The following TBC1D32 variants were observed in gnomAD, a reference collection of about 807,000 sequenced individuals.
TBC1D32 encodes protein broad-minded.
A neutral mutation model predicts 170.3 loss-of-function variants in TBC1D32; 151 were observed. The observed-to-expected ratio is 0.89, with a 90% CI of 0.78 to 1.01. The LOEUF (loss-of-function observed/expected upper bound fraction) is 1.01, where lower values mean the gene tolerates loss of function less well. Ranked by LOEUF, TBC1D32 falls within the 50% of genes least tolerant of loss-of-function variation. The probability of loss-of-function intolerance (pLI) is 0.00; values close to 1 mark genes in which losing one functional copy is unlikely to be tolerated. For synonymous variants in TBC1D32, 498 were observed against 488.0 expected, an observed-to-expected ratio of 1.02 and a Z score of -0.27; for missense variants, 1,464 against 1,457.1, an observed-to-expected ratio of 1.00 and a Z score of -0.08.
intron 11 of TBC1D32, 82 bp downstream of exon 11, chr6:121,294,488 A>G: frequency 2.0e-6 from 2 of 1,017,586 alleles, no homozygotes; most frequent in Non-Finnish European, 2.9e-6. Flanking sequence ...CAATCATTAA[A>G]AAATAAAAGT....
chr6:121,280,649 T>C (rs887654218), intron 14 of TBC1D32, among the ~76,000 whole-genome samples: 2 of 151,886 alleles, frequency 1.3e-5, no homozygotes, highest in African/African-American at 2.4e-5. Flanking sequence ...AGAAAAACCA[T>C]ACAAACACAA....
At chr6:121,108,456 C>T (rs1449268825) in intron 29 of TBC1D32, among the ~76,000 whole-genome samples, 4 of 151,964 alleles carry the variant, frequency 2.6e-5, no homozygotes. Flanking sequence ...TAATGGAACA[C>T]ATGCAGGACA....
intron 22 of TBC1D32, among the ~76,000 whole-genome samples, chr6:121,161,491 T>C (rs1785653366): frequency 6.6e-6 from 1 of 152,196 alleles, no homozygotes; most frequent in South Asian, 2.1e-4. Context: ...CTGAGGATAA[T>C]GGCCTCCAGC....
chr6:121,197,981 C>G (rs1200691149), intron 22 of TBC1D32, among the ~76,000 whole-genome samples: 1 of 151,766 alleles, frequency 6.6e-6, no homozygotes, highest in African/African-American at 2.4e-5. Context: ...ACTGGCCTAG[C>G]CTCCCAGCCT....
At chr6:121,191,983 C>T (rs111368659) in intron 22 of TBC1D32, among the ~76,000 whole-genome samples, 3,859 of 151,626 alleles carry the variant, frequency 0.025, 67 homozygotes, top group Middle Eastern at 0.058. Flanking sequence ...CAGACTTGGA[C>T]TGGCTCTCCT....
chr6:121,302,942 A>G (rs75909866), intron 9 of TBC1D32, among the ~76,000 whole-genome samples: 4,995 of 152,170 alleles, frequency 0.033, 193 homozygotes, highest in East Asian at 0.12. Context: ...GAATGCCCCA[A>G]CCCCTCTCTT....
intron 24 of TBC1D32, among the ~76,000 whole-genome samples, chr6:121,140,636 TAA>T (rs1202193379): frequency 6.6e-6 from 1 of 152,074 alleles, no homozygotes; most frequent in Non-Finnish European, 1.5e-5. Flanking sequence ...ACTGAAGCTA[TAA>T]AAGACTAAAT....
chr6:121,130,615 G>C (rs1362920111), intron 25 of TBC1D32, among the ~76,000 whole-genome samples: 3 of 152,154 alleles, frequency 2.0e-5, no homozygotes, highest in Non-Finnish European at 4.4e-5. Context: ...GAATGAGTAA[G>C]AGTTAAACAG....
At chr6:121,187,239 C>T (rs1304695485) in intron 22 of TBC1D32, among the ~76,000 whole-genome samples, 1 of 152,068 alleles carries the variant, frequency 6.6e-6, no homozygotes, top group African/African-American at 2.4e-5. Flanking sequence ...AGGCAAAACC[C>T]TCCAATGTTC....
chr6:121,334,505 A>G, upstream of TBC1D32: 1 of 1,481,652 alleles, frequency 6.7e-7, no homozygotes. Flanking sequence ...GCGCACGCGC[A>G]CCCCCACCCA....
rs189458585 is a variant in TBC1D32 at position 121,112,498 on chromosome 6, G to A, written c.3324+7C>T. ...AACCCTCCTTTAAAAACAGATTGAAGTCTTACAGAAATATGTAGCCTTGGC... is the reference window on the plus strand; with the variant it reads ...AACCCTCCTTTAAAAACAGATTGAAATCTTACAGAAATATGTAGCCTTGGC... On this transcript the variant is annotated splice_region_variant and intron_variant, in intron 29 of 31. Transcript: ENST00000398212. 3 of 1,598,526 alleles carry A rather than the reference G, an allele frequency of 1.9e-6. No individual in the cohort carries two copies. The highest frequency in any genetic ancestry group is 2.3e-5 in the South Asian group (2 of 88,616).
chr6:121,145,811 C>T (rs896698106), intron 24 of TBC1D32, among the ~76,000 whole-genome samples: 7 of 151,704 alleles, frequency 4.6e-5, no homozygotes, highest in African/African-American at 1.7e-4. Context: ...TATAGAAGTC[C>T]CTGGTCAAGG....
rs1776743029 is a variant in TBC1D32, at chr6:121,091,015, A to G, written c.3492T>C (p.Cys1164=). 1 of 1,609,062 alleles carries G rather than the reference A, an allele frequency of 6.2e-7. No individual in the cohort carries two copies. The highest frequency in any genetic ancestry group is 8.5e-7 in the Non-Finnish European group (1 of 1,178,930). Residue 1164 remains cysteine, a synonymous_variant, in exon 31 of 32, where the codon TGT becomes TGC. Transcript: ENST00000398212. Reference sequence around the variant, plus strand: ...CTATCCAATCTAAGTAATTCCAAAAACACTGGGTTATCCATTGCAGGCAAA... The same window carrying G: ...CTATCCAATCTAAGTAATTCCAAAAGCACTGGGTTATCCATTGCAGGCAAA... ...SQICLQWITQ[C]FWNYLDWIEI... is the part of the protein sequence containing the mutation.
chr6:121,220,077 A>G (rs1794318401), intron 21 of TBC1D32, among the ~76,000 whole-genome samples: 1 of 152,162 alleles, frequency 6.6e-6, no homozygotes, highest in African/African-American at 2.4e-5. Flanking sequence ...TATTAAGATT[A>G]GCGCAATTAG....
intron 20 of TBC1D32, among the ~76,000 whole-genome samples, chr6:121,235,236 G>A (rs1053941011): frequency 6.6e-6 from 1 of 152,180 alleles, no homozygotes; most frequent in Non-Finnish European, 1.5e-5. Flanking sequence ...CCTGTAGGGA[G>A]GATGCAACCT....
chr6:121,110,182 C>T (rs938004634), intron 29 of TBC1D32, among the ~76,000 whole-genome samples: 6 of 150,362 alleles, frequency 4.0e-5, no homozygotes, highest in African/African-American at 4.9e-5. Flanking sequence ...ACCCAGGAGG[C>T]GGAGCTTGCA....
chr6:121,291,534 C>T lies in TBC1D32; in HGVS notation c.1372+519G>A, dbSNP rs1263100625. Among the ~76,000 whole-genome samples the T allele has an allele frequency of 1.8e-4, 27 of 151,758 alleles. 1 individual carries two copies. Among genetic ancestry groups the T allele is most frequent in the Non-Finnish European group, 5.9e-5 (4 of 67,918 alleles). ...TAAGAGTTTAAGTATATACTAACAG[C>T]ATGTGCTGAAGTTTGATGGGGAAAA... is the stretch of plus-strand genomic sequence containing the variant. On this transcript the variant is annotated intron_variant, in intron 12 of 31. Coordinates refer to ENST00000398212, the MANE Select transcript of TBC1D32 (RefSeq NM_152730.6).
intron 30 of TBC1D32, chr6:121,095,979 T>C (rs1777357317): frequency 6.6e-6 from 1 of 152,172 alleles, no homozygotes; most frequent in Non-Finnish European, 1.5e-5. Flanking sequence ...TCTTCTTCTA[T>C]TGTTTGGAAT....
chr6:121,128,288 A>G (rs973488701), intron 25 of TBC1D32, among the ~76,000 whole-genome samples: 1 of 152,170 alleles, frequency 6.6e-6, no homozygotes, highest in Non-Finnish European at 1.5e-5. Context: ...TACTCATGTA[A>G]CAATGCTAAA....
Sources: allele counts gnomAD v4.1 joint callset (sites outside exome capture counted in the v4.1 genomes callset), GRCh38; gene constraint gnomAD v4.1.1; transcripts MANE v1.5; gene names NCBI Gene and HGNC (gene_info 2026-07-23, HGNC 2026-07-21).